FRMPD4: variants seen among roughly 807,000 people sequenced by gnomAD.
FRMPD4 encodes FERM and PDZ domain-containing protein 4.
Under a neutral mutation model 94.1 loss-of-function variants are expected in FRMPD4, and 22 were observed. The ratio of observed to expected loss-of-function variants is 0.23; its 90% CI spans 0.17 to 0.33. The LOEUF is 0.33. Among genes scored for constraint, FRMPD4 ranks in the 10% least tolerant of loss-of-function variants. FRMPD4 has a pLI of 1.00. For missense variants in FRMPD4, 1,111 were observed against 1,339.9 expected, an observed-to-expected ratio of 0.83 and a Z score of 2.67; for synonymous variants, 631 against 548.6, an observed-to-expected ratio of 1.15 and a Z score of -2.10.
At chrX:11,837,128 A>G (rs1269325744) in intron 1 of FRMPD4, among the ~76,000 whole-genome samples, 1 of 111,999 alleles carries the variant, frequency 8.9e-6, no homozygotes, top group Non-Finnish European at 1.9e-5. Context: ...CACTTTCCTC[A>G]TAGCCTTTCT....
chrX:12,563,071 A>G (rs959694415), intron 2 of FRMPD4, among the ~76,000 whole-genome samples: 1 of 112,035 alleles, frequency 8.9e-6, no homozygotes. Flanking sequence ...GTCAGGGGAG[A>G]TATCTAGCAA....
chrX:12,457,709 G>C (rs954261728), intron 1 of FRMPD4, among the ~76,000 whole-genome samples: 1 of 111,899 alleles, frequency 8.9e-6, no homozygotes, highest in Non-Finnish European at 1.9e-5. Context: ...GAAGTATTAC[G>C]TTAAAGAACC....
At chrX:12,443,743 G>A (rs1271700267) in intron 1 of FRMPD4, among the ~76,000 whole-genome samples, 1 of 111,771 alleles carries the variant, frequency 8.9e-6, no homozygotes. Context: ...ACCTTCTAGC[G>A]TTATTGGTTA....
chrX:12,412,879 T>C (rs912134171), intron 1 of FRMPD4, among the ~76,000 whole-genome samples: 2 of 111,657 alleles, frequency 1.8e-5, no homozygotes, highest in Admixed American at 9.5e-5. Flanking sequence ...ATCGGGAACA[T>C]CAACAAGGGT....
chrX:12,686,074 C>G (rs760261222), intron 6 of FRMPD4, 23 bp from the exon 7 acceptor site: 2 of 768,043 alleles, frequency 2.6e-6, no homozygotes, highest in Non-Finnish European at 4.0e-6. Flanking sequence ...AATTTATGCC[C>G]TGCCCTTTTT....
chrX:12,046,999 T>A (rs776371052), intron 3 of FRMPD4, among the ~76,000 whole-genome samples: 1 of 110,963 alleles, frequency 9.0e-6, no homozygotes, highest in Non-Finnish European at 1.9e-5. Context: ...TCCCAAAGGT[T>A]TTAGGAGTTA....
chrX:12,285,422 G>T (rs751812887), intron 1 of FRMPD4, among the ~76,000 whole-genome samples: 1 of 111,766 alleles, frequency 8.9e-6, no homozygotes, highest in African/African-American at 3.3e-5. Context: ...TTCTGGGACT[G>T]TTATTTGATT....
chrX:11,959,697 C>A (rs1463679204), intron 3 of FRMPD4, among the ~76,000 whole-genome samples: 1 of 110,765 alleles, frequency 9.0e-6, no homozygotes, highest in Non-Finnish European at 1.9e-5. Flanking sequence ...TTCTGTTTAA[C>A]CCTTAGGGAA....
At chrX:12,215,287 C>T (rs1256669236) in intron 1 of FRMPD4, among the ~76,000 whole-genome samples, 1 of 111,182 alleles carries the variant, frequency 9.0e-6, no homozygotes, top group Non-Finnish European at 1.9e-5. Flanking sequence ...AGCCCCTCCT[C>T]CTCTCTCTCA....
chrX:12,457,695 T>C (rs1402021158), intron 1 of FRMPD4, among the ~76,000 whole-genome samples: 1 of 112,129 alleles, frequency 8.9e-6, no homozygotes, highest in Non-Finnish European at 1.9e-5. Flanking sequence ...GTGTTGATTC[T>C]TGTGAAGTAT....
intron 2 of FRMPD4, among the ~76,000 whole-genome samples, chrX:12,543,540 A>G: frequency 8.9e-6 from 1 of 112,354 alleles, no homozygotes; most frequent in Non-Finnish European, 1.9e-5. Flanking sequence ...CCACAATGAG[A>G]TACCATCTCA....
rs182632988 is a variant in FRMPD4, at chrX:12,718,030, G to A, written c.3204G>A (p.Val1068=). 8.3e-7 allele frequency: 1 copy of A among 1,210,162 alleles called. No individual in the cohort carries two copies. Among genetic ancestry groups the A allele is most frequent in the East Asian group, 3.0e-5 (1 of 33,771 alleles). The stretch of plus-strand genomic sequence containing the variant: ...AGGCCAGTGGTAAATTTGGTACTGT[G>A]TCTTCACGAGACAGTCAACACCTGA... ...EEEASGKFGT[V]SSRDSQHLST... Residue 1068 remains valine (V), a synonymous_variant, in exon 16 of 17, where the codon GTG becomes GTA. Coordinates refer to ENST00000675598, the MANE Select transcript of FRMPD4 (RefSeq NM_001368397.1).
At chrX:12,628,268 C>T (rs1482582745) in intron 4 of FRMPD4, among the ~76,000 whole-genome samples, 1 of 111,833 alleles carries the variant, frequency 8.9e-6, no homozygotes, top group African/African-American at 3.3e-5. Context: ...AGAGCTGAGT[C>T]GACCTGTAGA....
intron 1 of FRMPD4, among the ~76,000 whole-genome samples, chrX:12,345,979 G>A (rs5978522): frequency 0.33 from 36,216 of 108,773 alleles, 6,683 homozygotes; most frequent in African/African-American, 0.7. Context: ...AATACTCTTA[G>A]GATTTCAGAT....
intron 1 of FRMPD4, among the ~76,000 whole-genome samples, chrX:12,168,770 C>T (rs1337863443): frequency 1.8e-5 from 2 of 108,847 alleles, no homozygotes; most frequent in African/African-American, 6.7e-5. Flanking sequence ...GGACTACAGG[C>T]GCCCACCACC....
intron 1 of FRMPD4, among the ~76,000 whole-genome samples, chrX:12,393,099 T>C (rs2056498694): frequency 8.9e-6 from 1 of 112,760 alleles, no homozygotes; most frequent in East Asian, 2.8e-4. Context: ...TGGAACTTCT[T>C]CTTTGTGTCT....
chrX:12,379,642 CGTGTGTGTGTGTGTGTGTGT>C (rs55742933), intron 1 of FRMPD4, among the ~76,000 whole-genome samples: 3 of 89,971 alleles, frequency 3.3e-5, no homozygotes, highest in Admixed American at 1.3e-4. Flanking sequence ...GATATGCTGC[CGTGTGTGTGTGTGTGTGTGT>C]GTGTGTGTGT....
intron 3 of FRMPD4, among the ~76,000 whole-genome samples, chrX:11,982,439 A>G (rs989690852): frequency 1.8e-5 from 2 of 111,326 alleles, no homozygotes; most frequent in African/African-American, 6.5e-5. Context: ...CCTACATTGT[A>G]TGATTGAGAT....
chrX:11,856,701 G>T (rs1459248877), intron 1 of FRMPD4, among the ~76,000 whole-genome samples: 1 of 111,781 alleles, frequency 8.9e-6, no homozygotes, highest in Non-Finnish European at 1.9e-5. Flanking sequence ...TGAAAGTTCT[G>T]GTCTGGACAA....
Sources: gnomAD v4.1 joint callset for allele counts (sites outside exome capture counted in the v4.1 genomes callset) on GRCh38, gnomAD v4.1.1 for gene constraint, MANE v1.5 for transcripts, NCBI Gene and HGNC (gene_info 2026-07-23, HGNC 2026-07-21) for gene names.